Variants in SCAPER observed in about 807,000 individuals in gnomAD.
SCAPER encodes S-phase cyclin A associated protein in the ER.
Under a neutral mutation model 182.2 loss-of-function variants are expected in SCAPER, and 98 were observed. The ratio of observed to expected loss-of-function variants is 0.54; its 90% CI spans 0.46 to 0.64. The LOEUF (loss-of-function observed/expected upper bound fraction) is 0.64. Among genes scored for constraint, SCAPER ranks in the 30% least tolerant of loss-of-function variants. SCAPER has a pLI of 0.00. For synonymous variants in SCAPER, 605 were observed against 564.6 expected, an observed-to-expected ratio of 1.07 and a Z score of -1.01; for missense variants, 1,432 against 1,690.0, an observed-to-expected ratio of 0.85 and a Z score of 2.68.
At chr15:76,699,640 G>C (rs1171947378) in intron 20 of SCAPER, among the ~76,000 whole-genome samples, 2 of 152,208 alleles carry the variant, frequency 1.3e-5, no homozygotes, top group East Asian at 3.9e-4. Flanking sequence ...CTGGGGGACT[G>C]AGACCAGGCC....
intron 26 of SCAPER, among the ~76,000 whole-genome samples, chr15:76,431,705 T>A (rs915779016): frequency 4.7e-3 from 237 of 50,184 alleles, no homozygotes; most frequent in African/African-American, 7.4e-3. Context: ...AAAAAAAAAA[T>A]GCTTTGTTTG....
chr15:76,480,134 C>G (rs1341463379), intron 24 of SCAPER, among the ~76,000 whole-genome samples: 2 of 152,160 alleles, frequency 1.3e-5, no homozygotes, highest in Non-Finnish European at 1.5e-5. Flanking sequence ...GACCAGAACA[C>G]CCAGACCTGG....
chr15:76,778,139 A>C (rs1015474207), intron 8 of SCAPER, among the ~76,000 whole-genome samples: 1 of 152,136 alleles, frequency 6.6e-6, no homozygotes, highest in Non-Finnish European at 1.5e-5. Context: ...ATAAGTTGGG[A>C]CTCATATGTA....
chr15:76,523,842 G>A (rs1182335671), intron 23 of SCAPER, among the ~76,000 whole-genome samples: 2 of 152,042 alleles, frequency 1.3e-5, no homozygotes, highest in Non-Finnish European at 2.9e-5. Flanking sequence ...TAAAAAATGT[G>A]CATAAATCAA....
Position 76,348,165 on chromosome 15 carries a change from G to A in SCAPER, c.*468C>T, listed in dbSNP as rs1356777082. 1.3e-5 allele frequency: 2 copies of A among 152,542 alleles called. No individual in the cohort carries two copies. The highest frequency in any genetic ancestry group is 1.3e-4 in the Admixed American group (2 of 15,338). 9.4% of individuals were successfully genotyped at this position (152,542 alleles called of 1,614,324 possible). A position where few individuals can be genotyped will look rare whatever the true frequency, so the allele number is the denominator to read the frequency against. On this transcript the variant is annotated 3_prime_UTR_variant, in exon 32 of 32. Coordinates refer to ENST00000563290, the MANE Select transcript of SCAPER (RefSeq NM_020843.4). ...CAAAAGTGTTGCAAATATCTTTACCGTAGACCTTAAAAAGTTAAATTTAGA... is the reference window on the plus strand; with the variant it reads ...CAAAAGTGTTGCAAATATCTTTACCATAGACCTTAAAAAGTTAAATTTAGA...
intron 24 of SCAPER, among the ~76,000 whole-genome samples, chr15:76,504,043 T>C (rs1009519808): frequency 3.3e-5 from 5 of 152,076 alleles, no homozygotes; most frequent in Admixed American, 6.6e-5. Context: ...TGTGCCACTA[T>C]GCCTGGCTAA....
At chr15:76,659,303 C>A (rs1289662941) in intron 21 of SCAPER, among the ~76,000 whole-genome samples, 1 of 152,042 alleles carries the variant, frequency 6.6e-6, no homozygotes, top group Non-Finnish European at 1.5e-5. Context: ...CAGGGTCTTG[C>A]TCTGTTGCCC....
At chr15:76,490,171 A>G (rs1412994428) in intron 24 of SCAPER, among the ~76,000 whole-genome samples, 1 of 152,170 alleles carries the variant, frequency 6.6e-6, no homozygotes, top group Non-Finnish European at 1.5e-5. Context: ...CAGAAATGAG[A>G]ATGCTGGGTC....
intron 25 of SCAPER, among the ~76,000 whole-genome samples, chr15:76,462,166 A>G (rs1405476982): frequency 6.6e-6 from 1 of 152,190 alleles, no homozygotes; most frequent in Non-Finnish European, 1.5e-5. Context: ...CCCATGTGGC[A>G]CCAACTGTAG....
At chr15:76,695,453 A>T (rs280015) in intron 20 of SCAPER, among the ~76,000 whole-genome samples, 6,706 of 151,912 alleles carry the variant, frequency 0.044, 322 homozygotes, top group African/African-American at 0.12. Context: ...AAAAATTAGC[A>T]GGGTGAGGTG....
At chr15:76,537,350 G>A (rs1440803832) in intron 23 of SCAPER, among the ~76,000 whole-genome samples, 1 of 152,032 alleles carries the variant, frequency 6.6e-6, no homozygotes, top group African/African-American at 2.4e-5. Context: ...AAACAGCATG[G>A]TACTGGTACC....
At chr15:76,867,244 T>A (rs915422048) in intron 2 of SCAPER, among the ~76,000 whole-genome samples, 1 of 152,214 alleles carries the variant, frequency 6.6e-6, no homozygotes, top group African/African-American at 2.4e-5. Context: ...AATCCATTCA[T>A]ACCACTATCT....
rs1226429977 is a variant in SCAPER at position 76,696,667 on chromosome 15, GCTT to G, written c.2508+5088_2508+5090del. On this transcript the variant is annotated intron_variant, in intron 20 of 31. Coordinates refer to ENST00000563290, the MANE Select transcript of SCAPER (RefSeq NM_020843.4). ...GCAACTTCTAGAAAAGATACTATCA[GCTT>G]CTTTAGATAGTGTGAAAACAGGACC... 4.6e-5 allele frequency among the ~76,000 whole-genome samples: 7 copies of G among 152,178 alleles called. 1 individual carries two copies. Among genetic ancestry groups the G allele is most frequent in the African/African-American group, 1.7e-4 (7 of 41,534 alleles).
intron 10 of SCAPER, among the ~76,000 whole-genome samples, chr15:76,769,787 A>ACAG (rs1008092727): frequency 6.6e-6 from 1 of 152,206 alleles, no homozygotes; most frequent in Non-Finnish European, 1.5e-5. Context: ...ATTGTGGAAG[A>ACAG]CAGTGTGGTG....
chr15:76,890,791 A>T (rs2152596532), intron 1 of SCAPER, among the ~76,000 whole-genome samples: 1 of 152,348 alleles, frequency 6.6e-6, no homozygotes, highest in East Asian at 1.9e-4. Context: ...CAATAGAAGA[A>T]GAGGGAATCC....
intron 4 of SCAPER, among the ~76,000 whole-genome samples, chr15:76,851,171 C>T (rs896995453): frequency 6.6e-6 from 1 of 151,958 alleles, no homozygotes; most frequent in Admixed American, 6.6e-5. Context: ...AACAAACCTC[C>T]AAGAACTGTG....
chr15:76,792,569 A>C (rs2065068148), intron 8 of SCAPER, among the ~76,000 whole-genome samples: 1 of 152,238 alleles, frequency 6.6e-6, no homozygotes, highest in East Asian at 1.9e-4. Flanking sequence ...ATAACTTCCC[A>C]ACTAAGGACT....
At chr15:76,818,280 C>T (rs1373905895) in intron 5 of SCAPER, among the ~76,000 whole-genome samples, 1 of 152,136 alleles carries the variant, frequency 6.6e-6, no homozygotes, top group Non-Finnish European at 1.5e-5. Flanking sequence ...AACTTATAAT[C>T]TTCACAAAAA....
chr15:76,365,614 C>T (rs188301792), intron 29 of SCAPER, among the ~76,000 whole-genome samples: 41 of 152,302 alleles, frequency 2.7e-4, no homozygotes, highest in African/African-American at 9.4e-4. Flanking sequence ...GTAAATTATA[C>T]AGACTCACCA....
Sources: allele counts gnomAD v4.1 joint callset (sites outside exome capture counted in the v4.1 genomes callset), GRCh38; gene constraint gnomAD v4.1.1; transcripts MANE v1.5; gene names NCBI Gene and HGNC (gene_info 2026-07-23, HGNC 2026-07-21).